TTC19: variants seen among roughly 807,000 people sequenced by gnomAD.
The protein encoded by TTC19 is tetratricopeptide repeat domain 19.
A neutral mutation model predicts 49.5 loss-of-function variants in TTC19; 38 were observed. The observed-to-expected ratio is 0.77, with a 90% confidence interval of 0.59 to 1.01. The LOEUF (loss-of-function observed/expected upper bound fraction) is 1.01. TTC19 is among the 50% of genes least tolerant of loss of function. The probability of loss-of-function intolerance (pLI) is 0.00; values close to 1 mark genes in which losing one functional copy is unlikely to be tolerated. For missense variants in TTC19, 475 were observed against 477.7 expected (o/e 0.99, Z 0.05); for synonymous variants, 204 against 185.2 (o/e 1.10, Z -0.83).
chr17:16,034,937 A>G, intron 2 of TTC19: 1 of 1,613,788 alleles, frequency 6.2e-7, no homozygotes, highest in Non-Finnish European at 8.5e-7. Flanking sequence ...TTGGTTTGCA[A>G]ACTCCTCCTG....
intron 7 of TTC19, among the ~76,000 whole-genome samples, chr17:16,022,389 C>T (rs148180919): frequency 6.6e-6 from 1 of 152,164 alleles, no homozygotes; most frequent in Non-Finnish European, 1.5e-5. Flanking sequence ...CTGCTTTATT[C>T]CCTCCACTAA....
intron 2 of TTC19, among the ~76,000 whole-genome samples, chr17:16,000,737 C>T (rs1448566689): frequency 6.6e-6 from 1 of 152,122 alleles, no homozygotes; most frequent in Non-Finnish European, 1.5e-5. Flanking sequence ...TCGATGCCAA[C>T]AACGTCCAAA....
chr17:16,005,343 G>C (rs1435069849), intron 6 of TTC19, among the ~76,000 whole-genome samples: 1 of 152,192 alleles, frequency 6.6e-6, no homozygotes, highest in Non-Finnish European at 1.5e-5. Context: ...TGGCTAGAGA[G>C]GGCCCTCTTG....
chr17:16,037,422 G>A (rs1256726212), intron 2 of TTC19, among the ~76,000 whole-genome samples: 2 of 151,554 alleles, frequency 1.3e-5, no homozygotes, highest in East Asian at 3.9e-4. Flanking sequence ...AAAAAAAAAA[G>A]CACAATAAAA....
chr17:16,033,731 A>G (rs1025663382), downstream of TTC19, among the ~76,000 whole-genome samples: 1 of 152,262 alleles, frequency 6.6e-6, no homozygotes, highest in African/African-American at 2.4e-5. Context: ...GGCACAAAAT[A>G]GAAAATAATA....
intron 7 of TTC19, 65 bp from the exon 8 acceptor site, chr17:16,024,952 G>A: frequency 6.8e-7 from 1 of 1,479,964 alleles, no homozygotes. Flanking sequence ...CCATTCTGCT[G>A]ACATATTTGT....
chr17:16,005,642 A>G (rs1370456184), intron 6 of TTC19, among the ~76,000 whole-genome samples: 1 of 152,220 alleles, frequency 6.6e-6, no homozygotes, highest in Non-Finnish European at 1.5e-5. Context: ...GTCCAGGGCT[A>G]CAGAGTTGGG....
intron 3 of TTC19, 86 bp from the exon 4 acceptor site, chr17:16,002,707 G>C: frequency 7.6e-7 from 1 of 1,324,032 alleles, no homozygotes; most frequent in Non-Finnish European, 1.1e-6. Context: ...AATTTTGAGG[G>C]TGAAAGCAAA....
chr17:16,005,625 A>C (rs1390693851), intron 6 of TTC19, among the ~76,000 whole-genome samples: 1 of 152,204 alleles, frequency 6.6e-6, no homozygotes, highest in East Asian at 1.9e-4. Context: ...TCTCCAGTTG[A>C]TTGAGGGTCC....
At chr17:16,036,781 G>T (rs2056469474) in intron 2 of TTC19, among the ~76,000 whole-genome samples, 1 of 152,182 alleles carries the variant, frequency 6.6e-6, no homozygotes, top group African/African-American at 2.4e-5. Flanking sequence ...AGGGAATGTT[G>T]TGGCTGGTTT....
At chr17:16,032,008 G>A (rs185021409), downstream of TTC19, 1,633 of 384,066 alleles carry the variant, frequency 4.3e-3, 5 homozygotes, top group Non-Finnish European at 5.6e-3. Flanking sequence ...TTTCTTTACA[G>A]ATGTAAGAAC....
At chr17:16,044,016 A>G (rs959430167) in intron 2 of TTC19, among the ~76,000 whole-genome samples, 7 of 152,098 alleles carry the variant, frequency 4.6e-5, no homozygotes, top group African/African-American at 1.7e-4. Context: ...CTAAAAATAC[A>G]AAATTAGCCG....
chr17:16,001,938 A>T lies in TTC19; in HGVS notation c.336A>T (p.Pro112=). ...AGTTGAGCATTATGAAAGATGAGCC[A>T]GAAGAGGCTGAGTTAATTTTGCATG... ...RAKLSIMKDE[P]EEAELILHDA... Residue 112 remains proline, a synonymous_variant, in exon 3 of 10, where the codon CCA becomes CCT. Transcript: ENST00000261647. The T allele has an allele frequency of 6.2e-7, 1 of 1,613,310 alleles. No individual in the cohort carries two copies. Among genetic ancestry groups the T allele is most frequent in the Non-Finnish European group, 8.5e-7 (1 of 1,179,776 alleles).
intron 8 of TTC19, among the ~76,000 whole-genome samples, chr17:16,025,922 G>A (rs1013966392): frequency 6.6e-6 from 1 of 152,164 alleles, no homozygotes; most frequent in African/African-American, 2.4e-5. Context: ...GTCCCTTAAT[G>A]GAGTGAGGAA....
chr17:16,014,356 G>GACAA (rs1468531575), intron 7 of TTC19, among the ~76,000 whole-genome samples: 1 of 152,216 alleles, frequency 6.6e-6, no homozygotes, highest in East Asian at 1.9e-4. Flanking sequence ...CGGATACTGG[G>GACAA]ACAAAGCAGC....
In TTC19 at chr17:16,027,835, C is replaced by T. The variant is rs756614642; in HGVS notation, c.*313C>T. On this transcript the variant is annotated 3_prime_UTR_variant, in exon 10 of 10. Coordinates refer to ENST00000261647, the MANE Select transcript of TTC19 (RefSeq NM_017775.4). ...ATTCATATGGGCTGGTGTTCCTGTGCGCTGTGGGTGTGGTGATTCAGCCTG... is the reference window on the plus strand; with the variant it reads ...ATTCATATGGGCTGGTGTTCCTGTGTGCTGTGGGTGTGGTGATTCAGCCTG... 9 of 489,496 alleles carry T rather than the reference C, an allele frequency of 1.8e-5. No individual in the cohort carries two copies. Among genetic ancestry groups the T allele is most frequent in the East Asian group, 5.4e-5 (1 of 18,498 alleles). 30.3% of individuals were successfully genotyped at this position (489,496 alleles called of 1,614,324 possible).
chr17:16,000,492 A>T (rs1970691040), intron 2 of TTC19: 5 of 1,125,028 alleles, frequency 4.4e-6, no homozygotes, highest in Middle Eastern at 3.2e-4. Context: ...CCTAGGCATC[A>T]CGCTTTATGC....
At chr17:16,015,203 C>A (rs185678117) in intron 7 of TTC19, among the ~76,000 whole-genome samples, 1 of 152,272 alleles carries the variant, frequency 6.6e-6, no homozygotes, top group African/African-American at 2.4e-5. Context: ...TTGAAAGTTG[C>A]AGAGTCTGTG....
downstream of TTC19, chr17:16,030,315 GA>G: frequency 4.5e-6 from 1 of 224,620 alleles, no homozygotes; most frequent in Non-Finnish European, 8.9e-6. Context: ...AGAGGTGGAA[GA>G]AAATCCATGT....
Sources: allele counts gnomAD v4.1 joint callset (sites outside exome capture counted in the v4.1 genomes callset), GRCh38; gene constraint gnomAD v4.1.1; transcripts MANE v1.5; gene names NCBI Gene and HGNC (gene_info 2026-07-23, HGNC 2026-07-21).